PIBF1: variants seen among roughly 807,000 people sequenced by gnomAD.
PIBF1 encodes the protein progesterone-induced-blocking factor 1.
In PIBF1, 90 loss-of-function variants were observed where a neutral mutation model predicts 112.5. That is an observed-to-expected ratio of 0.80 (90% confidence interval 0.67 to 0.95). PIBF1 has a LOEUF of 0.95. PIBF1 is among the 40% of genes least tolerant of loss of function. PIBF1 has a pLI of 0.00. For missense variants in PIBF1, 915 were observed against 852.3 expected, an observed-to-expected ratio of 1.07 and a Z score of -0.92; for synonymous variants, 301 against 288.6, an observed-to-expected ratio of 1.04 and a Z score of -0.44.
chr13:72,887,240 T>C (rs1366807160), intron 10 of PIBF1, among the ~76,000 whole-genome samples: 2 of 151,908 alleles, frequency 1.3e-5, no homozygotes, highest in East Asian at 3.9e-4. Context: ...GTAGCAGTAA[T>C]GCACAAAAGT....
At chr13:72,804,950 T>C (rs1272479128) in intron 5 of PIBF1, among the ~76,000 whole-genome samples, 1 of 152,118 alleles carries the variant, frequency 6.6e-6, no homozygotes, top group Non-Finnish European at 1.5e-5. Context: ...CCATGATATA[T>C]AGCTGCAACC....
At chr13:72,828,063 A>ATT (rs1344941065) in intron 8 of PIBF1, 149 bp downstream of exon 8, 2 of 358,606 alleles carry the variant, frequency 5.6e-6, no homozygotes, top group African/African-American at 4.2e-5. Context: ...ATTTTATTTT[A>ATT]TTTTATTTTT....
At chr13:72,902,611 G>A (rs576935183) in intron 11 of PIBF1, among the ~76,000 whole-genome samples, 30 of 152,162 alleles carry the variant, frequency 2.0e-4, no homozygotes, top group African/African-American at 7.2e-4. Flanking sequence ...ATAGAGATAC[G>A]TATAAAGGTT....
chr13:72,908,812 G>T (rs746740427), intron 12 of PIBF1, 131 bp downstream of exon 12: 7 of 661,938 alleles, frequency 1.1e-5, no homozygotes, highest in Non-Finnish European at 1.7e-5. Flanking sequence ...ACTTTGGGCG[G>T]CCAAGGTGGG....
At chr13:72,837,657 A>G (rs2037419016) in intron 9 of PIBF1, among the ~76,000 whole-genome samples, 1 of 152,138 alleles carries the variant, frequency 6.6e-6, no homozygotes, top group South Asian at 2.1e-4. Context: ...CTATTCTGTT[A>G]TGCTAATAAC....
At chr13:72,866,032 C>T (rs556915879) in intron 10 of PIBF1, among the ~76,000 whole-genome samples, 83 of 152,120 alleles carry the variant, frequency 5.5e-4, no homozygotes, top group Admixed American at 3.5e-3. Context: ...TAGGGGTAAT[C>T]CTTTGCTTGC....
rs549901266 is a variant in PIBF1, at chr13:72,963,703, A to G, written c.1834-1571A>G. Among the ~76,000 whole-genome samples the G allele has an allele frequency of 6.3e-4, 96 of 152,192 alleles. 2 individuals are homozygous for G. Among genetic ancestry groups the G allele is most frequent in the Admixed American group, 6.3e-3 (96 of 15,278 alleles). ...CATATCTAATAAGACTATATTATTA[A>G]GAATATATAGAGAACTCCTACAACT... On this transcript the variant is annotated intron_variant, in intron 14 of 17. Transcript: ENST00000326291.
chr13:72,801,746 CGCAGTTCTG>C (rs1009021485), intron 5 of PIBF1, among the ~76,000 whole-genome samples: 2 of 152,124 alleles, frequency 1.3e-5, no homozygotes, highest in African/African-American at 4.8e-5. Context: ...AGTGATTTCT[CGCAGTTCTG>C]GCATATTATT....
rs2034407750 is a variant in PIBF1 at position 72,783,417 on chromosome 13, C to T, written c.-47-6C>T. On this transcript the variant is annotated splice_region_variant and splice_polypyrimidine_tract_variant and intron_variant, in intron 1 of 17. Coordinates refer to ENST00000326291, the MANE Select transcript of PIBF1 (RefSeq NM_006346.4). ...TACATTTGAATTAATGTTTTTTAAC[C>T]TACAGAATATTAAAATCAAATTAGA... The T allele has an allele frequency of 6.6e-6, 8 of 1,217,876 alleles. No individual in the cohort carries two copies. The South Asian group carries it at 8.1e-5, about 12-fold the overall frequency. 75.4% of individuals were successfully genotyped at this position (1,217,876 alleles called of 1,614,324 possible).
intron 10 of PIBF1, among the ~76,000 whole-genome samples, chr13:72,860,462 T>C (rs954211161): frequency 6.6e-6 from 1 of 152,024 alleles, no homozygotes. Context: ...ATTTTGTATA[T>C]AGTGAAGCTT....
chr13:72,860,373 T>A (rs1279651319), intron 10 of PIBF1, among the ~76,000 whole-genome samples: 2 of 151,306 alleles, frequency 1.3e-5, no homozygotes, highest in African/African-American at 4.9e-5. Flanking sequence ...AGACAGAGAA[T>A]CTACTGAAGT....
At chr13:73,012,574 CCAAAAAAAA>C (rs1376497343) in intron 17 of PIBF1, among the ~76,000 whole-genome samples, 19 of 137,728 alleles carry the variant, frequency 1.4e-4, no homozygotes, top group African/African-American at 3.9e-4. Flanking sequence ...CACACACACA[CCAAAAAAAA>C]CAAAAAAAAA....
At chr13:73,007,299 GT>G (rs200537484) in intron 17 of PIBF1, among the ~76,000 whole-genome samples, 33,670 of 139,484 alleles carry the variant, frequency 0.24, 3,741 homozygotes, top group African/African-American at 0.3. Flanking sequence ...TTTTGTTTTT[GT>G]TTTTTTTTTT....
chr13:72,902,231 G>T (rs951449821), intron 11 of PIBF1, among the ~76,000 whole-genome samples: 1 of 152,206 alleles, frequency 6.6e-6, no homozygotes, highest in Non-Finnish European at 1.5e-5. Flanking sequence ...TGGGTACTTG[G>T]GGGGAAGAGT....
At chr13:72,919,748 GC>G (rs1457191548) in intron 13 of PIBF1, among the ~76,000 whole-genome samples, 2 of 152,000 alleles carry the variant, frequency 1.3e-5, no homozygotes, top group African/African-American at 2.4e-5. Context: ...CAGGCAAATT[GC>G]TTGAGTCCAG....
chr13:72,798,685 T>C lies in PIBF1; in HGVS notation c.672+659T>C, dbSNP rs1247931298. 3.3e-5 allele frequency among the ~76,000 whole-genome samples: 5 copies of C among 152,216 alleles called. No homozygotes were observed. The East Asian group carries it at 9.6e-4, about 29-fold the overall frequency. On this transcript the variant is annotated intron_variant, in intron 5 of 17. Transcript: ENST00000326291. ...TTATTGACCAGATATCCTAGAATAC[T>C]ATCTTGTAGTTATAGTCTACTAACA... is the stretch of plus-strand genomic sequence containing the variant.
At chr13:72,912,397 G>A (rs2040925083) in intron 12 of PIBF1, among the ~76,000 whole-genome samples, 1 of 152,130 alleles carries the variant, frequency 6.6e-6, no homozygotes, top group Non-Finnish European at 1.5e-5. Flanking sequence ...AGGAAGACAT[G>A]TGAATGACAA....
chr13:72,925,610 C>T (rs926110994), intron 13 of PIBF1, among the ~76,000 whole-genome samples: 2 of 132,956 alleles, frequency 1.5e-5, no homozygotes, highest in Non-Finnish European at 3.1e-5. Context: ...GGTGGAATCT[C>T]AGCTCACTGC....
intron 1 of PIBF1, among the ~76,000 whole-genome samples, chr13:72,782,737 TTCATTCTGCTA>T (rs2034346436): frequency 6.6e-6 from 1 of 152,208 alleles, no homozygotes; most frequent in Non-Finnish European, 1.5e-5. Flanking sequence ...TCCTGTTGTT[TTCATTCTGCTA>T]TCTATAAAAA....
Sources: allele counts gnomAD v4.1 joint callset (sites outside exome capture counted in the v4.1 genomes callset), GRCh38; gene constraint gnomAD v4.1.1; transcripts MANE v1.5; gene names NCBI Gene and HGNC (gene_info 2026-07-23, HGNC 2026-07-21).